Variants in FER1L5 observed in about 807,000 individuals in gnomAD.
FER1L5 encodes fer-1 like family member 5, also known as fer-1-like protein 5.
FER1L5 carries 187 observed loss-of-function variants against 279.9 expected under a neutral mutation model. That is an observed-to-expected ratio of 0.67 (90% CI 0.59 to 0.75). FER1L5 has a LOEUF of 0.75. Among genes scored for constraint, FER1L5 ranks in the 30% least tolerant of loss-of-function variants. FER1L5 has a pLI of 0.00. For missense variants in FER1L5, 2,091 were observed against 2,594.4 expected (o/e 0.81, Z 4.21); for synonymous variants, 921 against 989.7 (o/e 0.93, Z 1.30).
At chr2:96,646,903 A>C (rs2075155282) in intron 2 of FER1L5, among the ~76,000 whole-genome samples, 161 bp from the exon 3 acceptor site, 1 of 152,052 alleles carries the variant, frequency 6.6e-6, no homozygotes, top group South Asian at 2.1e-4. Flanking sequence ...CCTTGGTGAA[A>C]GGTAGCAAAC....
intron 4 of FER1L5, among the ~76,000 whole-genome samples, chr2:96,649,032 A>G (rs2075255682): frequency 7.1e-6 from 1 of 140,662 alleles, no homozygotes; most frequent in Admixed American, 7.0e-5. Flanking sequence ...CACTTTTGTC[A>G]CACGGTGGGG....
In FER1L5 at chr2:96,673,094, A is replaced by G; in HGVS notation, c.1509A>G (p.Gln503=). The G allele has an allele frequency of 1.9e-6, 3 of 1,551,510 alleles. No individual in the cohort carries two copies. The highest frequency in any genetic ancestry group is 1.2e-5 in the South Asian group (1 of 84,054). ...TGTTTCAGAAGCACCAGAACCGCCA[A>G]AAGTATGGGCTGTGCGTCATCTTCC... ...VTRIEKHQNR[Q]KYGLCVIFLS... The change falls in exon 19 of 53, where the codon CAA becomes CAG. Residue 503 remains glutamine, a synonymous_variant. Coordinates refer to ENST00000624922, the MANE Select transcript of FER1L5 (RefSeq NM_001293083.2).
chr2:96,649,824 G>A (rs2075289230), intron 5 of FER1L5, 147 bp downstream of exon 5: 2 of 761,780 alleles, frequency 2.6e-6, no homozygotes, highest in Admixed American at 2.6e-5. Flanking sequence ...AAGCTACAGG[G>A]TCTAGATGCC....
chr2:96,683,537 C>T (rs2076809091), intron 19 of FER1L5, among the ~76,000 whole-genome samples: 1 of 141,178 alleles, frequency 7.1e-6, no homozygotes, highest in South Asian at 2.6e-4. Context: ...ATGCTAAGGT[C>T]CTGGGGTTTG....
chr2:96,659,442 T>TTTCTTTCTTTCTTTC (rs2075830033), intron 9 of FER1L5, among the ~76,000 whole-genome samples: 1 of 29,102 alleles, frequency 3.4e-5, no homozygotes, highest in Non-Finnish European at 5.8e-5. Context: ...TCTTTCTTTC[T>TTTCTTTCTTTCTTTC]TTCTTTCTTT....
chr2:96,659,455 TTC>T (rs1384336074), intron 9 of FER1L5, among the ~76,000 whole-genome samples: 1 of 29,462 alleles, frequency 3.4e-5, no homozygotes, highest in African/African-American at 2.7e-4. Context: ...CTTTCTTTCT[TTC>T]TTTCTTTCTT....
intron 14 of FER1L5, among the ~76,000 whole-genome samples, chr2:96,663,843 G>C (rs1485671789): frequency 6.6e-6 from 1 of 152,124 alleles, no homozygotes; most frequent in African/African-American, 2.4e-5. Context: ...CAGAGTTTGA[G>C]ACCAGCCTGG....
rs770550418 is a variant in FER1L5, at chr2:96,649,598, C to T, written c.340-25C>T. The T allele has an allele frequency of 6.7e-5, 104 of 1,550,602 alleles. No homozygotes were observed. The Middle Eastern group carries it at 1.3e-3, about 19-fold the overall frequency. On this transcript the variant is annotated intron_variant, in intron 4 of 52. Transcript: ENST00000624922. ...TCCAAGGATGGCAGGGTCTGGCTTA[C>T]AGCTCCCTTGCCTTTGTCTTGCAGT...
In FER1L5 at chr2:96,699,408, G is replaced by A. The variant is rs533880807; in HGVS notation, c.4611-142G>A. The A allele has an allele frequency of 8.7e-6, 9 of 1,029,638 alleles. No homozygotes were observed. In the South Asian group the frequency reaches 1.4e-4, roughly 16 times the overall value. 63.8% of individuals were successfully genotyped at this position (1,029,638 alleles called of 1,614,324 possible). On this transcript the variant is annotated intron_variant, in intron 42 of 52. Coordinates refer to ENST00000624922, the MANE Select transcript of FER1L5 (RefSeq NM_001293083.2). Reference sequence around the variant, plus strand: ...AACCATAACCAGGGGATGGCGATTGGCAGAAGGCAGCCTACCCCATGCTCT... The same window carrying A: ...AACCATAACCAGGGGATGGCGATTGACAGAAGGCAGCCTACCCCATGCTCT...
At chr2:96,685,229 G>A in intron 20 of FER1L5, 100 bp from the exon 21 acceptor site, 1 of 1,023,976 alleles carries the variant, frequency 9.8e-7, no homozygotes, top group Non-Finnish European at 1.5e-6. Flanking sequence ...AGTTCCCAAG[G>A]TCGTGGCTGA....
chr2:96,703,459 G>C (rs953751596), intron 50 of FER1L5, 64 bp from the exon 51 acceptor site: 1 of 1,608,626 alleles, frequency 6.2e-7, no homozygotes, highest in Non-Finnish European at 8.5e-7. Flanking sequence ...CCGGGAAGAG[G>C]TCCTAAAACT....
intron 9 of FER1L5, among the ~76,000 whole-genome samples, chr2:96,660,057 G>C (rs749897741): frequency 1.1e-4 from 17 of 152,228 alleles, no homozygotes; most frequent in Non-Finnish European, 1.8e-4. Flanking sequence ...GAGTTGGGCT[G>C]CTTTGGCCGA....
chr2:96,691,780 A>G lies in FER1L5; in HGVS notation c.3076-45A>G. On this transcript the variant is annotated intron_variant, in intron 29 of 52. Coordinates refer to ENST00000624922, the MANE Select transcript of FER1L5 (RefSeq NM_001293083.2). This position sits in a 1 kb window ranked among gnomAD's most constrained non-coding sequence, Gnocchi z 6.0. ...TGACTGGGCCTGGGCTAGAGGAAAC[A>G]GGAGCAGCACCCAAGAGCCTCAGGG... 1 of 1,551,680 alleles carries G rather than the reference A, an allele frequency of 6.4e-7. No homozygotes were observed. The highest frequency in any genetic ancestry group is 8.7e-7 in the Non-Finnish European group (1 of 1,146,988).
At chr2:96,672,240 G>A (rs186604544) in intron 18 of FER1L5, among the ~76,000 whole-genome samples, 2 of 151,956 alleles carry the variant, frequency 1.3e-5, no homozygotes, top group African/African-American at 4.8e-5. Flanking sequence ...CACCACGCCC[G>A]GCTAATTTTG....
intron 3 of FER1L5, among the ~76,000 whole-genome samples, chr2:96,647,547 A>T (rs1037444960): frequency 6.6e-6 from 1 of 152,178 alleles, no homozygotes; most frequent in African/African-American, 2.4e-5. Context: ...CCAGGTGTCC[A>T]TCCCTGGTCC....
At chr2:96,649,163 T>C (rs1222738003) in intron 4 of FER1L5, among the ~76,000 whole-genome samples, 1 of 152,026 alleles carries the variant, frequency 6.6e-6, no homozygotes, top group African/African-American at 2.4e-5. Flanking sequence ...ACTTGGGGTG[T>C]TCAGGGGGCC....
In FER1L5 at chr2:96,644,279, C is replaced by T. The variant is rs200187482; in HGVS notation, c.85+1358C>T. Among the ~76,000 whole-genome samples the T allele has an allele frequency of 2.0e-5, 3 of 151,550 alleles. No individual in the cohort carries two copies. In the East Asian group the frequency reaches 5.8e-4, roughly 29 times the overall value. On this transcript the variant is annotated intron_variant, in intron 1 of 52. Transcript: ENST00000624922. ...GGATCACGAGGTCAGGAGATAGAGA[C>T]CATCCTGGCTAACACGGTGAAACCC...
At chr2:96,653,926 C>T in intron 8 of FER1L5, 2 of 533,748 alleles carry the variant, frequency 3.7e-6, no homozygotes, top group East Asian at 3.3e-5. Flanking sequence ...AACTGGGCGC[C>T]AAGGTGAACA....
chr2:96,644,241 G>A (rs2106401436), intron 1 of FER1L5, among the ~76,000 whole-genome samples: 1 of 151,810 alleles, frequency 6.6e-6, no homozygotes, highest in African/African-American at 2.4e-5. Flanking sequence ...CGCTTTGGGA[G>A]GCCGAGGTGG....
Sources: allele counts gnomAD v4.1 joint callset (sites outside exome capture counted in the v4.1 genomes callset), GRCh38; gene constraint gnomAD v4.1.1; non-coding constraint Gnocchi (gnomAD v3.1); transcripts MANE v1.5; gene names NCBI Gene and HGNC (gene_info 2026-07-23, HGNC 2026-07-21).